Variants in MICU1 observed in about 807,000 individuals in gnomAD.
MICU1 encodes calcium uptake protein 1, mitochondrial.
In MICU1, 45 loss-of-function variants were observed where a neutral mutation model predicts 56.8. The ratio of observed to expected loss-of-function variants is 0.79; its 90% CI spans 0.62 to 1.02. MICU1 has a LOEUF of 1.02. Among genes scored for constraint, MICU1 ranks in the 50% least tolerant of loss-of-function variants. The pLI is 0.00. For synonymous variants in MICU1, 186 were observed against 195.1 expected (o/e 0.95, Z 0.39); for missense variants, 504 against 587.1 (o/e 0.86, Z 1.46).
chr10:72,369,690 G>GTT (rs371629187), intron 11 of MICU1, among the ~76,000 whole-genome samples: 3 of 146,454 alleles, frequency 2.0e-5, no homozygotes, highest in Admixed American at 6.8e-5. Flanking sequence ...GAGAGCATCT[G>GTT]TTTTTTTTTT....
intron 1 of MICU1, among the ~76,000 whole-genome samples, chr10:72,567,486 G>A (rs938043939): frequency 6.6e-6 from 1 of 152,118 alleles, no homozygotes; most frequent in Non-Finnish European, 1.5e-5. Context: ...CTCACTCACA[G>A]GGCAGAGATC....
rs7893207 is a variant in MICU1 at position 72,544,517 on chromosome 10, T to C, written c.493+6662A>G. ...CCAGTTGGATATGGTGGAAAGAAAA[T>C]AGAGATCCTCTTTGCAATAGGCTAT... On this transcript the variant is annotated intron_variant, in intron 4 of 11. Transcript: ENST00000361114. Among the ~76,000 whole-genome samples, 383 of 152,102 alleles carry C rather than the reference T, an allele frequency of 2.5e-3. 1 individual carries two copies. The highest frequency in any genetic ancestry group is 8.7e-3 in the African/African-American group (362 of 41,470).
In MICU1 at chr10:72,458,704, GTTTTTTT is replaced by G. The variant is rs58623292; in HGVS notation, c.933+16389_933+16395del. Among the ~76,000 whole-genome samples the G allele has an allele frequency of 3.5e-5, 5 of 142,944 alleles. No individual in the cohort carries two copies. The South Asian group carries it at 6.8e-4, about 19-fold the overall frequency. The allele number at this position is 142,944 out of a possible 152,430, so 93.8% of individuals were successfully genotyped here. ...ACAGAAGAATTCAAATGCGGTTCCT[GTTTTTTT>G]TTTTTTTTTTTAAATAAATACAGGG... On this transcript the variant is annotated intron_variant, in intron 8 of 11. Coordinates refer to ENST00000361114, the MANE Select transcript of MICU1 (RefSeq NM_001195518.2).
chr10:72,454,449 C>T (rs1865393232), intron 8 of MICU1, among the ~76,000 whole-genome samples: 1 of 144,848 alleles, frequency 6.9e-6, no homozygotes, highest in Admixed American at 7.0e-5. Context: ...AGTGAAACTC[C>T]GTCTCACATT....
At chr10:72,609,935 T>C (rs1841797715) in intron 1 of MICU1, among the ~76,000 whole-genome samples, 1 of 151,164 alleles carries the variant, frequency 6.6e-6, no homozygotes, top group Admixed American at 6.6e-5. Flanking sequence ...GTCCGGAAGC[T>C]GAGGCAGAGA....
intron 3 of MICU1, among the ~76,000 whole-genome samples, chr10:72,559,755 C>T (rs961253934): frequency 1.3e-5 from 2 of 152,000 alleles, no homozygotes; most frequent in African/African-American, 4.8e-5. Context: ...AGCAAGGGAC[C>T]CCAGCCCTGG....
intron 10 of MICU1, among the ~76,000 whole-genome samples, chr10:72,395,017 A>AAAAATAC (rs1161441253): frequency 6.6e-6 from 1 of 151,620 alleles, no homozygotes; most frequent in Non-Finnish European, 1.5e-5. Flanking sequence ...CATCTCTACT[A>AAAAATAC]AAAATACAAA....
At chr10:72,610,259 C>A (rs1185021535) in intron 1 of MICU1, among the ~76,000 whole-genome samples, 523 of 118,674 alleles carry the variant, frequency 4.4e-3, no homozygotes, top group East Asian at 6.1e-3. Flanking sequence ...ACATACTCTC[C>A]AAAAAAAAAA....
At chr10:72,623,066 C>T (rs1304002035) in intron 1 of MICU1, among the ~76,000 whole-genome samples, 2 of 151,686 alleles carry the variant, frequency 1.3e-5, no homozygotes, top group Admixed American at 1.3e-4. Context: ...GTCAGGGGTT[C>T]GAGACCAGCC....
At chr10:72,608,594 A>C (rs927216619) in intron 1 of MICU1, among the ~76,000 whole-genome samples, 1 of 152,194 alleles carries the variant, frequency 6.6e-6, no homozygotes, top group African/African-American at 2.4e-5. Context: ...AAAAAACTAG[A>C]ATATTTTCCA....
chr10:72,504,181 A>C (rs1304732913), intron 6 of MICU1, among the ~76,000 whole-genome samples: 1 of 152,178 alleles, frequency 6.6e-6, no homozygotes, highest in Non-Finnish European at 1.5e-5. Context: ...AGCCAAAGCA[A>C]TCCTAAGCGA....
chr10:72,506,616 A>T (rs1176125090), intron 6 of MICU1, among the ~76,000 whole-genome samples: 2 of 152,136 alleles, frequency 1.3e-5, no homozygotes, highest in Admixed American at 6.5e-5. Flanking sequence ...ACCAAGACAG[A>T]TTTCCACTAA....
chr10:72,368,285 C>A lies in MICU1; in HGVS notation c.1341G>T (p.Lys447Asn). 6.2e-7 allele frequency: 1 copy of A among 1,614,028 alleles called. No individual in the cohort carries two copies. Among genetic ancestry groups the A allele is most frequent in the Non-Finnish European group, 8.5e-7 (1 of 1,179,890 alleles). The part of the protein sequence containing the change: ...MKQRLMRGLE[K>N]PKDMGFTRLM... ...GGCGAGTGAAACCCATGTCTTTGGG[C>A]TTTTCCAGGCCTCTCATCAGCCGTT... Residue 447 changes from lysine (K) to asparagine (N), a missense_variant, in exon 12 of 12, where the codon AAG (lysine) becomes AAT (asparagine). Lys to Asn is a moderately conservative substitution (Grantham distance 94, BLOSUM62 0). Transcript: ENST00000361114.
In MICU1 at chr10:72,551,348, T is replaced by A; in HGVS notation, c.331-7A>T. 1 of 1,593,412 alleles carries A rather than the reference T, an allele frequency of 6.3e-7. No homozygotes were observed. The highest frequency in any genetic ancestry group is 8.5e-7 in the Non-Finnish European group (1 of 1,170,124). On this transcript the variant is annotated splice_region_variant and splice_polypyrimidine_tract_variant and intron_variant, in intron 3 of 11. Coordinates refer to ENST00000361114, the MANE Select transcript of MICU1 (RefSeq NM_001195518.2). ...TATTCTCATATTCCATCACCTAAAGTTAGAAATTTAGAAAGTGTTACTATA... is the reference window on the plus strand; with the variant it reads ...TATTCTCATATTCCATCACCTAAAGATAGAAATTTAGAAAGTGTTACTATA...
At chr10:72,624,984 T>C (rs1010883122) in intron 1 of MICU1, among the ~76,000 whole-genome samples, 1 of 152,224 alleles carries the variant, frequency 6.6e-6, no homozygotes, top group Non-Finnish European at 1.5e-5. Flanking sequence ...TTATTTGTCA[T>C]ATGGTCCAAT....
At chr10:72,372,923 A>AAAAAAAG (rs1483120508) in intron 11 of MICU1, among the ~76,000 whole-genome samples, 1 of 151,922 alleles carries the variant, frequency 6.6e-6, no homozygotes, top group African/African-American at 2.4e-5. Flanking sequence ...CAAAAAAAAA[A>AAAAAAAG]AAAAAAGAAA....
chr10:72,546,993 G>A (rs531206612), intron 4 of MICU1, among the ~76,000 whole-genome samples: 16 of 151,492 alleles, frequency 1.1e-4, no homozygotes, highest in East Asian at 9.7e-4. Context: ...CTGGGTTCAC[G>A]CCAGTCTCCT....
chr10:72,486,796 G>A (rs1473192773), intron 6 of MICU1, among the ~76,000 whole-genome samples: 2 of 152,130 alleles, frequency 1.3e-5, no homozygotes, highest in Non-Finnish European at 2.9e-5. Flanking sequence ...ACATACACAC[G>A]TGCACAAAGG....
At chr10:72,443,439 C>T (rs1046069135) in intron 8 of MICU1, among the ~76,000 whole-genome samples, 3 of 152,156 alleles carry the variant, frequency 2.0e-5, no homozygotes, top group Non-Finnish European at 4.4e-5. Context: ...ACATGAAGTC[C>T]TTGCCCGTGC....
Sources: allele counts gnomAD v4.1 joint callset (sites outside exome capture counted in the v4.1 genomes callset), GRCh38; gene constraint gnomAD v4.1.1; transcripts MANE v1.5; gene names NCBI Gene and HGNC (gene_info 2026-07-23, HGNC 2026-07-21).